Variants in MAST2 observed in about 807,000 individuals in gnomAD.
The protein encoded by MAST2 is microtubule-associated serine/threonine-protein kinase 2.
MAST2 carries 70 observed loss-of-function variants against 147.4 expected under a neutral mutation model. The ratio of observed to expected loss-of-function variants is 0.47; its 90% CI spans 0.39 to 0.58. MAST2 has a LOEUF of 0.58. MAST2 is among the 20% of genes least tolerant of loss of function. The pLI is 0.00. For synonymous variants in MAST2, 869 were observed against 896.8 expected (o/e 0.97, Z 0.55); for missense variants, 2,080 against 2,302.3 (o/e 0.90, Z 1.98).
chr1:45,899,524 T>C (rs1240313195), intron 4 of MAST2, among the ~76,000 whole-genome samples: 2 of 152,074 alleles, frequency 1.3e-5, no homozygotes, highest in Non-Finnish European at 2.9e-5. Context: ...ACGTACCCAT[T>C]GTTTAGCTCT....
chr1:45,806,963 C>T (rs907907422), intron 1 of MAST2, among the ~76,000 whole-genome samples: 1 of 152,212 alleles, frequency 6.6e-6, no homozygotes, highest in Non-Finnish European at 1.5e-5. Flanking sequence ...CCACCTTGAC[C>T]TCCCAAAGTG....
At chr1:46,011,204 C>T (rs1010457890) in intron 10 of MAST2, 40 of 458,548 alleles carry the variant, frequency 8.7e-5, no homozygotes, top group African/African-American at 6.3e-4. Flanking sequence ...GAAGCTCCAC[C>T]ATGGGTAGTA....
rs200614894 is a variant in MAST2 at position 45,968,011 on chromosome 1, T to C, written c.592+8534T>C. ...GCACCCCCAGTCCAAAAATCTGAAATCCAAAATGCAAAACTTTTTAAGCAC... is the reference window on the plus strand; with the variant it reads ...GCACCCCCAGTCCAAAAATCTGAAACCCAAAATGCAAAACTTTTTAAGCAC... On this transcript the variant is annotated intron_variant, in intron 5 of 28. Transcript: ENST00000361297. Among the ~76,000 whole-genome samples, 3 of 152,292 alleles carry C rather than the reference T, an allele frequency of 2.0e-5. No homozygotes were observed. The East Asian group carries it at 5.8e-4, about 29-fold the overall frequency.
At chr1:45,925,779 A>G (rs1367190642) in intron 4 of MAST2, among the ~76,000 whole-genome samples, 1 of 152,230 alleles carries the variant, frequency 6.6e-6, no homozygotes. Context: ...CTTCCATACA[A>G]TGTCTAGCAA....
intron 5 of MAST2, among the ~76,000 whole-genome samples, chr1:45,979,484 G>A (rs537700193): frequency 6.6e-6 from 1 of 151,290 alleles, no homozygotes; most frequent in African/African-American, 2.4e-5. Context: ...CCTTAAGGAA[G>A]GATTCTTCTC....
At chr1:45,862,141 ACAGG>A (rs1646000370) in intron 3 of MAST2, among the ~76,000 whole-genome samples, 1 of 152,252 alleles carries the variant, frequency 6.6e-6, no homozygotes, top group African/African-American at 2.4e-5. Flanking sequence ...TGAGAACCAA[ACAGG>A]CTTTAAGGAA....
chr1:45,982,361 C>T lies in MAST2; in HGVS notation c.593-15363C>T, dbSNP rs1644444873. 3.3e-5 allele frequency among the ~76,000 whole-genome samples: 5 copies of T among 152,148 alleles called. No homozygotes were observed. In the South Asian group the frequency reaches 1.0e-3, roughly 32 times the overall value. On this transcript the variant is annotated intron_variant, in intron 5 of 28. Coordinates refer to ENST00000361297, the MANE Select transcript of MAST2 (RefSeq NM_015112.3). ...CAGTGAGGTGACTCGTAGTGGGCCCCTGGATAGTTTCAGGTTGGGGACTGA... is the reference window on the plus strand; with the variant it reads ...CAGTGAGGTGACTCGTAGTGGGCCCTTGGATAGTTTCAGGTTGGGGACTGA...
At chr1:45,936,727 C>G (rs1244509286) in intron 4 of MAST2, among the ~76,000 whole-genome samples, 1 of 152,068 alleles carries the variant, frequency 6.6e-6, no homozygotes, top group Non-Finnish European at 1.5e-5. Context: ...CTCTGACATC[C>G]CAGGCCAGGT....
chr1:45,818,726 C>T (rs1276683271), intron 1 of MAST2, among the ~76,000 whole-genome samples: 1 of 152,176 alleles, frequency 6.6e-6, no homozygotes, highest in Admixed American at 6.5e-5. Flanking sequence ...TTTTGAACCA[C>T]CACTGCACTG....
At chr1:46,022,841 T>C in intron 12 of MAST2, 69 bp from the exon 13 acceptor site, 1 of 1,152,544 alleles carries the variant, frequency 8.7e-7, no homozygotes, top group South Asian at 1.2e-5. Context: ...ACCTGTTGTG[T>C]GATCTGAGGA....
intron 2 of MAST2, 129 bp from the exon 3 acceptor site, chr1:45,829,310 A>G (rs1644882828): frequency 1.3e-6 from 1 of 781,020 alleles, no homozygotes; most frequent in East Asian, 3.1e-5. Flanking sequence ...AATAGATTCT[A>G]AAATGGATGT....
At chr1:45,862,740 G>A (rs769098618) in intron 3 of MAST2, among the ~76,000 whole-genome samples, 177 of 152,268 alleles carry the variant, frequency 1.2e-3, no homozygotes, top group Non-Finnish European at 2.0e-3. Context: ...AAAGTGCTGG[G>A]TGAGCCACTG....
At chr1:45,853,332 A>G (rs1645681592) in intron 3 of MAST2, among the ~76,000 whole-genome samples, 1 of 152,146 alleles carries the variant, frequency 6.6e-6, no homozygotes, top group Admixed American at 6.5e-5. Context: ...AGTGTTTTGC[A>G]TAACACATTT....
At chr1:46,007,937 T>C (rs921145452) in intron 8 of MAST2, among the ~76,000 whole-genome samples, 6 of 152,196 alleles carry the variant, frequency 3.9e-5, no homozygotes, top group Non-Finnish European at 7.4e-5. Flanking sequence ...CCCAAGAATA[T>C]GCTGGGGCAC....
At chr1:45,963,121 A>G (rs1227942870) in intron 5 of MAST2, among the ~76,000 whole-genome samples, 2 of 152,072 alleles carry the variant, frequency 1.3e-5, no homozygotes, top group Non-Finnish European at 2.9e-5. Context: ...CCATTGGTCG[A>G]TATCTCTGTT....
chr1:45,991,323 T>C (rs1271814405), intron 5 of MAST2, among the ~76,000 whole-genome samples: 2 of 152,196 alleles, frequency 1.3e-5, no homozygotes. Context: ...GTAATATCAG[T>C]CCTCTAACCT....
intron 4 of MAST2, among the ~76,000 whole-genome samples, chr1:45,896,278 T>C (rs541150389): frequency 6.6e-6 from 1 of 152,200 alleles, no homozygotes; most frequent in South Asian, 2.1e-4. Flanking sequence ...TGATCCGCCC[T>C]CCTTGGTCTC....
chr1:45,851,739 G>A (rs77763172), intron 3 of MAST2, among the ~76,000 whole-genome samples: 6,888 of 151,798 alleles, frequency 0.045, 504 homozygotes, highest in African/African-American at 0.15. Flanking sequence ...TTTTCTGCTT[G>A]ACCTAATAGA....
chr1:46,034,349 ACTCTGAGT>A, intron 28 of MAST2, 83 bp downstream of exon 28: 1 of 1,446,338 alleles, frequency 6.9e-7, no homozygotes, highest in Non-Finnish European at 9.3e-7. Context: ...GACAGATCCC[ACTCTGAGT>A]CTCTCATTTA....
Sources: allele counts gnomAD v4.1 joint callset (sites outside exome capture counted in the v4.1 genomes callset), GRCh38; gene constraint gnomAD v4.1.1; transcripts MANE v1.5; gene names NCBI Gene and HGNC (gene_info 2026-07-23, HGNC 2026-07-21).